SCGN: variants seen among roughly 807,000 people sequenced by gnomAD.
The protein encoded by SCGN is secretagogin, EF-hand calcium binding protein.
In SCGN, 30 loss-of-function variants were observed where a neutral mutation model predicts 39.7. The observed-to-expected ratio is 0.76, with a 90% CI of 0.57 to 1.03. The LOEUF is 1.03. SCGN is among the 50% of genes least tolerant of loss of function. SCGN has a pLI of 0.00. For missense variants in SCGN, 353 were observed against 349.4 expected (o/e 1.01, Z -0.08); for synonymous variants, 106 against 114.1 (o/e 0.93, Z 0.45).
chr6:25,656,324 T>C (rs1308727912), intron 2 of SCGN, among the ~76,000 whole-genome samples: 1 of 152,208 alleles, frequency 6.6e-6, no homozygotes, highest in Non-Finnish European at 1.5e-5. Flanking sequence ...TCTACTTTCC[T>C]CTGATGATTA....
chr6:25,665,070 T>A, intron 4 of SCGN, 38 bp downstream of exon 4: 2 of 1,498,880 alleles, frequency 1.3e-6, no homozygotes, highest in Non-Finnish European at 1.9e-6. Flanking sequence ...GAAAGAGGAC[T>A]GAGACAAGGC....
At position 25,687,328 on chromosome 6, in the gene SCGN, G is replaced by A. The variant is rs576706671; in HGVS notation, c.528-1844G>A. 3.9e-5 allele frequency among the ~76,000 whole-genome samples: 6 copies of A among 152,204 alleles called. No homozygotes were observed. The East Asian group carries it at 1.2e-3, about 29-fold the overall frequency. ...GTCTCCCAGTGTATGAACATGGGAT[G>A]TCTTTTCATTTACTTAGCTCTTTAA... On this transcript the variant is annotated intron_variant, in intron 7 of 10. Transcript: ENST00000377961.
intron 2 of SCGN, among the ~76,000 whole-genome samples, chr6:25,656,729 A>G (rs913200768): frequency 6.6e-6 from 1 of 152,188 alleles, no homozygotes; most frequent in East Asian, 1.9e-4. Flanking sequence ...GGTCAAAGGG[A>G]TAGTCATGAG....
intron 10 of SCGN, among the ~76,000 whole-genome samples, chr6:25,692,822 T>A (rs1201496214): frequency 6.6e-6 from 1 of 152,184 alleles, no homozygotes; most frequent in Non-Finnish European, 1.5e-5. Flanking sequence ...CTCCTCCTCT[T>A]TGGTAACCTC....
At chr6:25,652,776 G>A (rs1486420993) in intron 1 of SCGN, among the ~76,000 whole-genome samples, 1 of 152,022 alleles carries the variant, frequency 6.6e-6, no homozygotes, top group African/African-American at 2.4e-5. Context: ...TATATACAAT[G>A]ACTAATATCA....
At chr6:25,694,277 G>A (rs1187299132) in intron 10 of SCGN, among the ~76,000 whole-genome samples, 2 of 152,186 alleles carry the variant, frequency 1.3e-5, no homozygotes, top group Non-Finnish European at 2.9e-5. Context: ...TTGTCATTGA[G>A]TTTGGCAATG....
chr6:25,683,414 C>T (rs914810786), intron 7 of SCGN, among the ~76,000 whole-genome samples: 2 of 152,164 alleles, frequency 1.3e-5, no homozygotes, highest in Non-Finnish European at 2.9e-5. Context: ...CAGTTGTGCA[C>T]GTCTCAGAGG....
chr6:25,671,132 T>C (rs1439067025), intron 6 of SCGN, among the ~76,000 whole-genome samples: 1 of 152,240 alleles, frequency 6.6e-6, no homozygotes, highest in Non-Finnish European at 1.5e-5. Context: ...ACCACCAGGT[T>C]GACATATTTA....
Position 25,669,587 on chromosome 6 carries a change from G to A in SCGN, c.393+20G>A, listed in dbSNP as rs1490275625. The A allele has an allele frequency of 6.2e-7, 1 of 1,606,402 alleles. No homozygotes were observed. The highest frequency in any genetic ancestry group is 1.7e-5 in the Admixed American group (1 of 59,942). On this transcript the variant is annotated intron_variant, in intron 5 of 10. Transcript: ENST00000377961. ...CTCCGCGTGAGTGTCACTGGGTGAA[G>A]GGTGGGTTTGTTTATCATTGGGAAT...
chr6:25,674,179 A>G (rs1281083952), intron 6 of SCGN, among the ~76,000 whole-genome samples: 1 of 152,146 alleles, frequency 6.6e-6, no homozygotes, highest in Non-Finnish European at 1.5e-5. Context: ...AGGAGACAAC[A>G]TCCAAGCTAT....
chr6:25,673,078 G>A (rs541144301), intron 6 of SCGN, among the ~76,000 whole-genome samples: 59 of 152,224 alleles, frequency 3.9e-4, no homozygotes, highest in South Asian at 3.7e-3. Context: ...TGAAATTTCA[G>A]TTGTTACCTA....
At chr6:25,658,003 C>CT (rs759915721) in intron 2 of SCGN, among the ~76,000 whole-genome samples, 6 of 70,388 alleles carry the variant, frequency 8.5e-5, no homozygotes, top group Admixed American at 3.8e-4. Context: ...GAAAGGTATC[C>CT]TTTTTTTTTT....
intron 10 of SCGN, among the ~76,000 whole-genome samples, chr6:25,695,965 A>G (rs1033788370): frequency 6.6e-6 from 1 of 152,212 alleles, no homozygotes; most frequent in Non-Finnish European, 1.5e-5. Flanking sequence ...ATGAACACTA[A>G]CATCGGAAGC....
intron 3 of SCGN, 78 bp from the exon 4 acceptor site, chr6:25,664,865 C>T: frequency 9.4e-7 from 1 of 1,059,582 alleles, no homozygotes; most frequent in Non-Finnish European, 1.4e-6. Context: ...ATATGCACCA[C>T]CATGCCTTTT....
chr6:25,692,600 C>G (rs976938700), intron 10 of SCGN, among the ~76,000 whole-genome samples: 3 of 152,184 alleles, frequency 2.0e-5, no homozygotes, highest in Non-Finnish European at 4.4e-5. Context: ...CTTTTCTTTA[C>G]TCTCAAACTT....
At chr6:25,668,047 T>C (rs2151378726) in intron 4 of SCGN, among the ~76,000 whole-genome samples, 1 of 152,358 alleles carries the variant, frequency 6.6e-6, no homozygotes, top group South Asian at 2.1e-4. Context: ...TTCTGAATTG[T>C]TGTTACTAAA....
At chr6:25,655,071 C>G (rs1177736381) in intron 2 of SCGN, among the ~76,000 whole-genome samples, 1 of 152,224 alleles carries the variant, frequency 6.6e-6, no homozygotes, top group Non-Finnish European at 1.5e-5. Context: ...CTACTTATAT[C>G]TGTAAATGTA....
chr6:25,676,286 A>G (rs1159887513), intron 6 of SCGN, among the ~76,000 whole-genome samples: 1 of 152,180 alleles, frequency 6.6e-6, no homozygotes, highest in Non-Finnish European at 1.5e-5. Flanking sequence ...CAGCAGCCAG[A>G]GTGATCCTGT....
intron 2 of SCGN, 107 bp from the exon 3 acceptor site, chr6:25,661,445 T>C: frequency 1.3e-6 from 1 of 769,394 alleles, no homozygotes; most frequent in African/African-American, 1.8e-5. Context: ...CTGCTTTCCA[T>C]GTTTGAAAAA....
Sources: allele counts gnomAD v4.1 joint callset (sites outside exome capture counted in the v4.1 genomes callset), GRCh38; gene constraint gnomAD v4.1.1; transcripts MANE v1.5; gene names NCBI Gene and HGNC (gene_info 2026-07-23, HGNC 2026-07-21).